The following TANC2 variants were observed in gnomAD, a reference collection of about 807,000 sequenced individuals.
TANC2 encodes the protein protein TANC2.
A neutral mutation model predicts 210.5 loss-of-function variants in TANC2; 26 were observed. That is an observed-to-expected ratio of 0.12 (90% CI 0.09 to 0.17). TANC2 has a LOEUF of 0.17. Ranked by LOEUF, TANC2 falls within the 10% of genes least tolerant of loss-of-function variation. The pLI is 1.00. For synonymous variants in TANC2, 931 were observed against 967.1 expected (o/e 0.96, Z 0.69); for missense variants, 2,129 against 2,608.9 (o/e 0.82, Z 4.01).
intron 11 of TANC2, among the ~76,000 whole-genome samples, chr17:63,330,149 C>A (rs2045787872): frequency 6.6e-6 from 1 of 152,132 alleles, no homozygotes; most frequent in African/African-American, 2.4e-5. Flanking sequence ...AAGCCTAATC[C>A]AGAGTAAGGC....
At chr17:63,262,112 T>C (rs529656019) in intron 8 of TANC2, among the ~76,000 whole-genome samples, 1 of 152,244 alleles carries the variant, frequency 6.6e-6, no homozygotes, top group South Asian at 2.1e-4. Context: ...CACACACACA[T>C]ATATAACAAA....
At chr17:63,186,087 C>A (rs1488756459) in intron 5 of TANC2, among the ~76,000 whole-genome samples, 2 of 152,050 alleles carry the variant, frequency 1.3e-5, no homozygotes, top group African/African-American at 4.8e-5. Flanking sequence ...GAAACTTATT[C>A]TTTTAAGGAC....
chr17:63,347,444 A>G (rs1345733641), intron 12 of TANC2, among the ~76,000 whole-genome samples: 1 of 152,224 alleles, frequency 6.6e-6, no homozygotes, highest in African/African-American at 2.4e-5. Context: ...AAAACTTATC[A>G]AAGTGTATAG....
At chr17:63,127,979 T>C (rs1480807953) in intron 4 of TANC2, among the ~76,000 whole-genome samples, 1 of 152,208 alleles carries the variant, frequency 6.6e-6, no homozygotes, top group Admixed American at 6.5e-5. Context: ...GTACTTCTGT[T>C]ATTCCTGTGG....
chr17:63,317,568 A>G (rs1392280830), intron 10 of TANC2, among the ~76,000 whole-genome samples: 1 of 152,164 alleles, frequency 6.6e-6, no homozygotes, highest in Non-Finnish European at 1.5e-5. Flanking sequence ...GGGAAGCTCT[A>G]ATACAAGACT....
At position 63,104,071 on chromosome 17, in the gene TANC2, T is replaced by C. The variant is rs1483749547; in HGVS notation, c.322+4714T>C. Among the ~76,000 whole-genome samples, 6 of 152,272 alleles carry C rather than the reference T, an allele frequency of 3.9e-5. No individual in the cohort carries two copies. In the East Asian group the frequency reaches 1.2e-3, roughly 29 times the overall value. ...AATAGCTCATCCGGAGCATCTAGTA[T>C]ATCAATTAAGATTTTTATTGTTTCA... On this transcript the variant is annotated intron_variant, in intron 4 of 27. Transcript: ENST00000689528.
chr17:63,272,890 A>C (rs2920443), intron 9 of TANC2, among the ~76,000 whole-genome samples: 46,527 of 151,868 alleles, frequency 0.31, 7,346 homozygotes, highest in African/African-American at 0.38. Flanking sequence ...GTGACAAGCC[A>C]TGCATTGATT....
intron 3 of TANC2, among the ~76,000 whole-genome samples, chr17:63,075,456 G>A (rs904594710): frequency 3.9e-5 from 6 of 152,110 alleles, no homozygotes; most frequent in Non-Finnish European, 5.9e-5. Context: ...CATTGTTAGA[G>A]TTAATTGATA....
intron 19 of TANC2, among the ~76,000 whole-genome samples, chr17:63,400,017 C>G (rs1638563216): frequency 6.6e-6 from 1 of 152,218 alleles, no homozygotes; most frequent in Admixed American, 6.5e-5. Flanking sequence ...TGGAGCCCCA[C>G]CCTGAGGGAA....
At chr17:63,171,650 C>A (rs1033329430) in intron 5 of TANC2, among the ~76,000 whole-genome samples, 4 of 152,056 alleles carry the variant, frequency 2.6e-5, no homozygotes, top group Admixed American at 2.0e-4. Flanking sequence ...TGTTGCAAAC[C>A]AATTTTGAAA....
In TANC2 at chr17:62,988,909, T is replaced by A. The variant is rs527661162; in HGVS notation, c.-23-20628T>A. On this transcript the variant is annotated intron_variant, in intron 1 of 27. Transcript: ENST00000689528. ...GATTAGTGTTCTACTTTCATTCAGG[T>A]TGGAGAAAAGGAGCCAAAGATTTTG... Among the ~76,000 whole-genome samples the A allele has an allele frequency of 2.0e-5, 3 of 152,332 alleles. No homozygotes were observed. The South Asian group carries it at 6.2e-4, about 32-fold the overall frequency.
chr17:62,997,451 A>G (rs1218259938), intron 1 of TANC2, among the ~76,000 whole-genome samples: 1 of 152,184 alleles, frequency 6.6e-6, no homozygotes, highest in African/African-American at 2.4e-5. Context: ...TAGAAAATGG[A>G]TAGCATTTAC....
chr17:63,029,181 G>A (rs1235362217), intron 2 of TANC2, among the ~76,000 whole-genome samples: 3 of 152,034 alleles, frequency 2.0e-5, no homozygotes, highest in African/African-American at 7.2e-5. Flanking sequence ...GCCTACGTTA[G>A]CTTGAAATGT....
rs759426918 is a variant in TANC2 at position 63,338,222 on chromosome 17, C to A, written c.1576-1879C>A. Among the ~76,000 whole-genome samples the A allele has an allele frequency of 1.1e-4, 16 of 152,136 alleles. 1 individual carries two copies. Among genetic ancestry groups the A allele is most frequent in the Non-Finnish European group, 1.8e-4 (12 of 68,030 alleles). On this transcript the variant is annotated intron_variant, in intron 11 of 27. Transcript: ENST00000689528. Reference sequence around the variant, plus strand: ...TTTCAACAATGATTGAACTAATTTACACTCCCACCAACAGTGTATAAGCAT... The same window carrying A: ...TTTCAACAATGATTGAACTAATTTAAACTCCCACCAACAGTGTATAAGCAT...
At chr17:63,216,882 T>C (rs941962104) in intron 7 of TANC2, among the ~76,000 whole-genome samples, 11 of 152,188 alleles carry the variant, frequency 7.2e-5, no homozygotes, top group Non-Finnish European at 1.5e-4. Context: ...AACAATGTTC[T>C]CTGACCACAG....
At chr17:63,198,946 A>G (rs2041439603) in intron 6 of TANC2, among the ~76,000 whole-genome samples, 1 of 152,192 alleles carries the variant, frequency 6.6e-6, no homozygotes, top group South Asian at 2.1e-4. Flanking sequence ...ATTAGATTCT[A>G]ATATTATTGA....
exon 10 of TANC2, chr17:63,314,396 G>T: frequency 6.2e-7 from 1 of 1,613,630 alleles, no homozygotes; most frequent in Non-Finnish European, 8.5e-7. Flanking sequence ...AGTTCGCTTT[G>T]CACCTTATAG....
intron 5 of TANC2, among the ~76,000 whole-genome samples, chr17:63,179,899 C>T (rs907407013): frequency 1.1e-4 from 16 of 151,208 alleles, no homozygotes; most frequent in African/African-American, 3.9e-4. Context: ...ATAATCTCAG[C>T]TCTTTGGGAG....
chr17:63,121,226 A>T (rs890203570), intron 4 of TANC2, among the ~76,000 whole-genome samples: 2 of 152,218 alleles, frequency 1.3e-5, no homozygotes, highest in African/African-American at 4.8e-5. Context: ...TTATCACTCC[A>T]ACATTATGTA....
Sources: allele counts gnomAD v4.1 joint callset (sites outside exome capture counted in the v4.1 genomes callset), GRCh38; gene constraint gnomAD v4.1.1; transcripts MANE v1.5; gene names NCBI Gene and HGNC (gene_info 2026-07-23, HGNC 2026-07-21).